YJU2B: variants seen among roughly 807,000 people sequenced by gnomAD.
The protein encoded by YJU2B is YJU2 splicing factor homolog B.
YJU2B carries 18 observed loss-of-function variants against 38.0 expected under a neutral mutation model. That is an observed-to-expected ratio of 0.47 (90% CI 0.33 to 0.70). YJU2B has a LOEUF of 0.70. Among genes scored for constraint, YJU2B ranks in the 30% least tolerant of loss-of-function variants. The pLI is 0.02. For missense variants in YJU2B, 538 were observed against 556.3 expected (o/e 0.97, Z 0.33); for synonymous variants, 246 against 225.4 (o/e 1.09, Z -0.82).
chr19:13,760,107 A>C (rs1014960049), intron 8 of YJU2B, among the ~76,000 whole-genome samples: 1 of 152,036 alleles, frequency 6.6e-6, no homozygotes, highest in Non-Finnish European at 1.5e-5. Context: ...GTGTATTTTT[A>C]GTAGAGGCGG....
At chr19:13,756,391 C>G in intron 4 of YJU2B, 112 bp downstream of exon 4, 1 of 786,862 alleles carries the variant, frequency 1.3e-6, no homozygotes, top group East Asian at 2.6e-5. Flanking sequence ...TTCCATAAAG[C>G]AGAAAGTCAC....
chr19:13,752,518 T>G (rs140125945), intron 2 of YJU2B, among the ~76,000 whole-genome samples: 2,859 of 151,950 alleles, frequency 0.019, 73 homozygotes, highest in African/African-American at 0.063. Flanking sequence ...TTGAGCTGGG[T>G]GGATCACCTG....
intron 3 of YJU2B, among the ~76,000 whole-genome samples, 182 bp downstream of exon 3, chr19:13,754,524 C>G (rs916255670): frequency 3.9e-5 from 6 of 152,124 alleles, no homozygotes; most frequent in Admixed American, 2.0e-4. Flanking sequence ...CCTCAGGGAC[C>G]TGTAACTCCA....
At chr19:13,736,548 C>T (rs1263304449) in intron 2 of YJU2B, among the ~76,000 whole-genome samples, 1 of 151,878 alleles carries the variant, frequency 6.6e-6, no homozygotes, top group East Asian at 1.9e-4. Context: ...GCATAAGCCA[C>T]CGTGCCCAGC....
chr19:13,757,284 T>C lies in YJU2B; in HGVS notation c.141-134T>C, dbSNP rs1973700819. On this transcript the variant is annotated intron_variant, in intron 4 of 9. Transcript: ENST00000221554. Reference sequence around the variant, plus strand: ...ATATCCATTTCCTGTGTAATGTGAGTGCAGCAACTCCCGTTAACAGGGCAG... The same window carrying C: ...ATATCCATTTCCTGTGTAATGTGAGCGCAGCAACTCCCGTTAACAGGGCAG... The C allele has an allele frequency of 4.6e-6, 3 of 653,670 alleles. No homozygotes were observed. The East Asian group carries it at 8.2e-5, about 18-fold the overall frequency. 40.5% of individuals were successfully genotyped at this position (653,670 alleles called of 1,614,324 possible).
intron 8 of YJU2B, among the ~76,000 whole-genome samples, chr19:13,760,904 G>A (rs1022033009): frequency 6.6e-6 from 1 of 152,156 alleles, no homozygotes; most frequent in Non-Finnish European, 1.5e-5. Context: ...AAGTAGCTGG[G>A]ATTCCAGGTT....
intron 8 of YJU2B, among the ~76,000 whole-genome samples, chr19:13,759,940 G>A (rs1973825852): frequency 6.6e-6 from 1 of 151,992 alleles, no homozygotes; most frequent in South Asian, 2.1e-4. Context: ...TGGGATTATA[G>A]GCATGCACCA....
At position 13,762,403 on chromosome 19, in the gene YJU2B, G is replaced by A; in HGVS notation, c.678G>A (p.Lys226=). ...TGCCCGAGACGGAAGATGACCGCAA[G>A]CTGGCGGCTCTGCTGAAGTTCCACA... ...PLVPETEDDR[K]LAALLKFHTL... The change falls in exon 9 of 10, where the codon AAG becomes AAA. Residue 226 remains lysine (K), a synonymous_variant. Transcript: ENST00000221554. The A allele has an allele frequency of 1.2e-6, 2 of 1,613,630 alleles. No individual in the cohort carries two copies. The highest frequency in any genetic ancestry group is 2.2e-5 in the East Asian group (1 of 44,862).
At chr19:13,761,610 G>A (rs890903522) in intron 8 of YJU2B, 1 of 152,490 alleles carries the variant, frequency 6.6e-6, no homozygotes, top group African/African-American at 2.4e-5. Context: ...GCCGTGCGTG[G>A]TGGCTCACAC....
At position 13,762,959 on chromosome 19, in the gene YJU2B, T is replaced by A. The variant is rs759720626; in HGVS notation, c.1082T>A (p.Leu361Gln). 6.2e-7 allele frequency: 1 copy of A among 1,611,858 alleles called. No homozygotes were observed. Among genetic ancestry groups the A allele is most frequent in the South Asian group, 1.1e-5 (1 of 90,974 alleles). ...GQEGSRQDKP[L>Q]SPAGSSQEAA... is the part of the protein sequence containing the mutation. Reference sequence around the variant, plus strand: ...GAAGGGAGCCGTCAGGACAAGCCCCTGTCGCCAGCAGGCTCCTCCCAGGAG... The same window carrying A: ...GAAGGGAGCCGTCAGGACAAGCCCCAGTCGCCAGCAGGCTCCTCCCAGGAG... Residue 361 changes from leucine (L) to glutamine (Q), a missense_variant, in exon 10 of 10, where the codon CTG (leucine) becomes CAG (glutamine). Transcript: ENST00000221554.
At position 13,735,345 on chromosome 19, in the gene YJU2B, G is replaced by C. The variant is rs528311910; in HGVS notation, c.-202+3060G>C. On this transcript the variant is annotated intron_variant, in intron 2 of 10. Coordinates refer to the YJU2B transcript ENST00000586600. Reference sequence around the variant, plus strand: ...ATCAGGAGACTTGAGTCTGTTGCCAGTTCTACCATTACAAGCTCTGTGACA... The same window carrying C: ...ATCAGGAGACTTGAGTCTGTTGCCACTTCTACCATTACAAGCTCTGTGACA... 3.9e-5 allele frequency among the ~76,000 whole-genome samples: 6 copies of C among 152,246 alleles called. No individual in the cohort carries two copies. In the East Asian group the frequency reaches 9.7e-4, roughly 25 times the overall value.
At chr19:13,752,394 G>T (rs893239822) in intron 2 of YJU2B, among the ~76,000 whole-genome samples, 1 of 151,576 alleles carries the variant, frequency 6.6e-6, no homozygotes, top group South Asian at 2.1e-4. Context: ...AATCATTTAA[G>T]ATTAGGAGTT....
At chr19:13,733,118 A>G (rs968848504) in intron 2 of YJU2B, among the ~76,000 whole-genome samples, 1 of 149,972 alleles carries the variant, frequency 6.7e-6, no homozygotes, top group African/African-American at 2.5e-5. Context: ...TTTAGTAGAG[A>G]CGGGGTTTCA....
intron 1 of YJU2B, chr19:13,732,111 G>C (rs944251267): frequency 6.6e-6 from 1 of 152,254 alleles, no homozygotes; most frequent in African/African-American, 2.4e-5. Flanking sequence ...CGGGGTGGGA[G>C]TGGTGGGCTG....
chr19:13,762,705 A>G lies in YJU2B; in HGVS notation c.828A>G (p.Ala276=). 1 of 1,605,832 alleles carries G rather than the reference A, an allele frequency of 6.2e-7. No homozygotes were observed. Among genetic ancestry groups the G allele is most frequent in the Non-Finnish European group, 8.5e-7 (1 of 1,179,482 alleles). The change falls in exon 10 of 10, where the codon GCA becomes GCG. Residue 276 remains alanine, a synonymous_variant. Transcript: ENST00000221554. The stretch of plus-strand genomic sequence containing the variant: ...TCAGCGGCGTCCTGAAGAAGCTGGC[A>G]CAGAGCCGCAGAACCGCGCTTGCCA... The part of the protein sequence containing the change: ...SKVSGVLKKL[A]QSRRTALATS...
chr19:13,759,096 G>A lies in YJU2B; in HGVS notation c.401-4G>A. ...AAAGCCCAGCCGAGCTCTGATCGTT[G>A]CAGAGCATGAGAAGAAGCAGAAGCT... On this transcript the variant is annotated splice_region_variant and splice_polypyrimidine_tract_variant and intron_variant, in intron 7 of 9. Coordinates refer to ENST00000221554, the MANE Select transcript of YJU2B (RefSeq NM_030818.4). 6.2e-7 allele frequency: 1 copy of A among 1,613,618 alleles called. No individual in the cohort carries two copies. Among genetic ancestry groups the A allele is most frequent in the Non-Finnish European group, 8.5e-7 (1 of 1,179,860 alleles).
At chr19:13,738,423 T>C (rs1973009699) in intron 2 of YJU2B, among the ~76,000 whole-genome samples, 1 of 152,182 alleles carries the variant, frequency 6.6e-6, no homozygotes, top group South Asian at 2.1e-4. Context: ...ACTGACTGCT[T>C]ACCTAACAGA....
chr19:13,735,908 C>T (rs1427721812), intron 2 of YJU2B, among the ~76,000 whole-genome samples: 2 of 151,924 alleles, frequency 1.3e-5, no homozygotes, highest in Non-Finnish European at 1.5e-5. Context: ...GAAAATTAGC[C>T]GGGCGTGGTG....
rs1019244094 is a variant in YJU2B at position 13,762,292 on chromosome 19, A to G, written c.574-7A>G. ...CCTATCTCTGGTGTTCTTGGCCCTC[A>G]ACACAGGAAAAGAAAAAAGCCATCC... is the stretch of plus-strand genomic sequence containing the variant. On this transcript the variant is annotated splice_region_variant and splice_polypyrimidine_tract_variant and intron_variant, in intron 8 of 9. Coordinates refer to ENST00000221554, the MANE Select transcript of YJU2B (RefSeq NM_030818.4). The G allele has an allele frequency of 6.2e-7, 1 of 1,613,218 alleles. No homozygotes were observed. Among genetic ancestry groups the G allele is most frequent in the Middle Eastern group, 1.7e-4 (1 of 6,060 alleles).
Sources: allele counts gnomAD v4.1 joint callset (sites outside exome capture counted in the v4.1 genomes callset), GRCh38; gene constraint gnomAD v4.1.1; transcripts MANE v1.5; gene names NCBI Gene and HGNC (gene_info 2026-07-23, HGNC 2026-07-21).